MBOAT1: variants seen among roughly 807,000 people sequenced by gnomAD.
MBOAT1 encodes the protein membrane bound glycerophospholipid O-acyltransferase 1, also known as membrane-bound glycerophospholipid O-acyltransferase 1.
A neutral mutation model predicts 64.4 loss-of-function variants in MBOAT1; 67 were observed. The observed-to-expected ratio is 1.04, with a 90% CI of 0.85 to 1.27. The LOEUF (loss-of-function observed/expected upper bound fraction) is 1.27. Ranked by LOEUF, MBOAT1 falls within the 50% of genes most tolerant of loss-of-function variation. The pLI, the probability that MBOAT1 is intolerant of heterozygous loss-of-function variation, is 0.00. For synonymous variants in MBOAT1, 229 were observed against 218.9 expected, an observed-to-expected ratio of 1.05 and a Z score of -0.41; for missense variants, 563 against 604.6, an observed-to-expected ratio of 0.93 and a Z score of 0.72.
chr6:20,176,494 C>A lies in MBOAT1; in HGVS notation c.100-23725G>T, dbSNP rs142769730. On this transcript the variant is annotated intron_variant, in intron 1 of 12. Coordinates refer to ENST00000324607, the MANE Select transcript of MBOAT1 (RefSeq NM_001080480.3). ...CCTTCTTCTAGAAAATAGACATATG[C>A]CCTACCTCATCAAGTAATTGTGAGT... is the stretch of plus-strand genomic sequence containing the variant. 3.5e-4 allele frequency among the ~76,000 whole-genome samples: 53 copies of A among 152,176 alleles called. No homozygotes were observed. In the East Asian group the frequency reaches 7.3e-3, roughly 21 times the overall value.
intron 1 of MBOAT1, among the ~76,000 whole-genome samples, chr6:20,183,005 A>G (rs939502292): frequency 6.6e-6 from 1 of 152,210 alleles, no homozygotes; most frequent in Non-Finnish European, 1.5e-5. Context: ...ATGCGTAAAA[A>G]GGACAAGTAA....
Position 20,136,644 on chromosome 6 carries a change from G to C in MBOAT1, c.420-5445C>G, listed in dbSNP as rs117792608. On this transcript the variant is annotated intron_variant, in intron 4 of 12. Coordinates refer to ENST00000324607, the MANE Select transcript of MBOAT1 (RefSeq NM_001080480.3). ...CAAATGATCTCTATCGCTAGCAAGA[G>C]GTACAGGCAAGTAATATTTCTATTA... Among the ~76,000 whole-genome samples, 55 of 152,256 alleles carry C rather than the reference G, an allele frequency of 3.6e-4. 1 individual carries two copies. In the East Asian group the frequency reaches 0.01, roughly 28 times the overall value.
At chr6:20,113,074 T>C in intron 10 of MBOAT1, 66 bp from the exon 11 acceptor site, 1 of 1,562,992 alleles carries the variant, frequency 6.4e-7, no homozygotes, top group Non-Finnish European at 8.7e-7. Context: ...ACAGCTGCTG[T>C]TTCTTGGATA....
At chr6:20,138,512 T>C (rs1276290023) in intron 4 of MBOAT1, among the ~76,000 whole-genome samples, 2 of 152,256 alleles carry the variant, frequency 1.3e-5, no homozygotes, top group Non-Finnish European at 2.9e-5. Context: ...AAATCCACGA[T>C]GTTCAGAAGC....
chr6:20,196,498 G>T (rs1214781521), intron 1 of MBOAT1, among the ~76,000 whole-genome samples: 3 of 152,078 alleles, frequency 2.0e-5, no homozygotes, highest in Non-Finnish European at 2.9e-5. Context: ...ATGATCCAAG[G>T]TTCTTTAGAT....
In MBOAT1 at chr6:20,111,986, C is replaced by G. The variant is rs545197868; in HGVS notation, c.1209+890G>C. Among the ~76,000 whole-genome samples the G allele has an allele frequency of 6.7e-5, 10 of 149,518 alleles. No homozygotes were observed. The South Asian group carries it at 2.1e-3, about 31-fold the overall frequency. On this transcript the variant is annotated intron_variant, in intron 11 of 12. Transcript: ENST00000324607. ...GGTATCCCAGCGCCTAGAACACTGA[C>G]TAGCACACAGTAGGGCTCCTGAAAT...
intron 4 of MBOAT1, among the ~76,000 whole-genome samples, chr6:20,131,860 G>A (rs1010104094): frequency 2.0e-5 from 3 of 151,714 alleles, no homozygotes; most frequent in African/African-American, 7.3e-5. Context: ...GGAGCTAGTT[G>A]GAAATGCAGA....
intron 3 of MBOAT1, among the ~76,000 whole-genome samples, chr6:20,145,278 CAGA>C (rs1441602434): frequency 6.6e-6 from 1 of 152,156 alleles, no homozygotes; most frequent in East Asian, 1.9e-4. Flanking sequence ...GTCTGTAACC[CAGA>C]AGAGAGTCCT....
intron 1 of MBOAT1, among the ~76,000 whole-genome samples, chr6:20,202,019 G>A (rs1763136867): frequency 6.6e-6 from 1 of 152,074 alleles, no homozygotes; most frequent in Admixed American, 6.6e-5. Flanking sequence ...GGCAGGGGGT[G>A]GGGGAGTCTT....
At chr6:20,114,029 C>T (rs111484597) in intron 10 of MBOAT1, among the ~76,000 whole-genome samples, 172 of 152,184 alleles carry the variant, frequency 1.1e-3, no homozygotes, top group Middle Eastern at 6.8e-3. Flanking sequence ...TGACTCAGCA[C>T]ACTGGGAGTA....
chr6:20,144,002 C>T (rs139120407), intron 4 of MBOAT1, among the ~76,000 whole-genome samples: 54 of 152,306 alleles, frequency 3.5e-4, no homozygotes, highest in African/African-American at 1.2e-3. Context: ...ACAGATATGG[C>T]GCACAGGCTG....
At chr6:20,130,520 AT>A (rs552230266) in intron 5 of MBOAT1, among the ~76,000 whole-genome samples, 1,634 of 152,064 alleles carry the variant, frequency 0.011, 10 homozygotes, top group Middle Eastern at 0.037. Context: ...CGCCTAGCTA[AT>A]TTTTGTATTT....
At chr6:20,205,138 G>A (rs1415645874) in intron 1 of MBOAT1, among the ~76,000 whole-genome samples, 1 of 152,084 alleles carries the variant, frequency 6.6e-6, no homozygotes, top group East Asian at 1.9e-4. Flanking sequence ...GTTTGAGACT[G>A]CAGGGTGCCA....
At chr6:20,182,881 G>A (rs1255423818) in intron 1 of MBOAT1, among the ~76,000 whole-genome samples, 1 of 152,178 alleles carries the variant, frequency 6.6e-6, no homozygotes, top group Non-Finnish European at 1.5e-5. Flanking sequence ...CTCATAGGAG[G>A]GGGTGACAAT....
intron 8 of MBOAT1, among the ~76,000 whole-genome samples, chr6:20,123,606 TAA>T (rs547305319): frequency 4.4e-5 from 6 of 137,532 alleles, no homozygotes; most frequent in Admixed American, 7.3e-5. Flanking sequence ...ACTTTCTACC[TAA>T]AAAAAAAAAA....
intron 1 of MBOAT1, among the ~76,000 whole-genome samples, chr6:20,204,254 C>A (rs897178250): frequency 4.6e-5 from 7 of 152,180 alleles, no homozygotes; most frequent in African/African-American, 1.7e-4. Context: ...TGCCGAGGCC[C>A]CGTGTCCTCT....
At chr6:20,197,490 A>G (rs1042127857) in intron 1 of MBOAT1, among the ~76,000 whole-genome samples, 1 of 152,200 alleles carries the variant, frequency 6.6e-6, no homozygotes, top group Non-Finnish European at 1.5e-5. Flanking sequence ...CCTCTGCCCT[A>G]TGGTTTCACT....
intron 1 of MBOAT1, among the ~76,000 whole-genome samples, chr6:20,168,640 A>AGAGAGGAGAG (rs1561773405): frequency 8.7e-4 from 47 of 53,722 alleles, no homozygotes; most frequent in African/African-American, 2.6e-3. Context: ...AGAGAAGAGA[A>AGAGAGGAGAG]GAGAGGAGAG....
At chr6:20,133,561 C>T (rs1760894318) in intron 4 of MBOAT1, among the ~76,000 whole-genome samples, 1 of 152,098 alleles carries the variant, frequency 6.6e-6, no homozygotes, top group African/African-American at 2.4e-5. Context: ...TCTCATTTTG[C>T]TCTTTCTGAA....
Sources: allele counts gnomAD v4.1 joint callset (sites outside exome capture counted in the v4.1 genomes callset), GRCh38; gene constraint gnomAD v4.1.1; transcripts MANE v1.5; gene names NCBI Gene and HGNC (gene_info 2026-07-23, HGNC 2026-07-21).